PTPRO: variants seen among roughly 807,000 people sequenced by gnomAD.
The protein encoded by PTPRO is receptor-type tyrosine-protein phosphatase O.
In PTPRO, 62 loss-of-function variants were observed where a neutral mutation model predicts 145.2. That is an observed-to-expected ratio of 0.43 (90% CI 0.35 to 0.53). The LOEUF is 0.53. Ranked by LOEUF, PTPRO falls within the 20% of genes least tolerant of loss-of-function variation. The pLI is 0.01. For missense variants in PTPRO, 1,345 were observed against 1,482.7 expected (o/e 0.91, Z 1.53); for synonymous variants, 565 against 514.7 (o/e 1.10, Z -1.32).
chr12:15,365,705 A>G (rs1167508139), intron 1 of PTPRO, among the ~76,000 whole-genome samples: 1 of 152,080 alleles, frequency 6.6e-6, no homozygotes, highest in African/African-American at 2.4e-5. Flanking sequence ...TTCTTTCTTC[A>G]TTCTGTCTAC....
intron 5 of PTPRO, among the ~76,000 whole-genome samples, 193 bp downstream of exon 5, chr12:15,502,256 A>G (rs1942237891): frequency 6.6e-6 from 1 of 152,244 alleles, no homozygotes; most frequent in Non-Finnish European, 1.5e-5. Flanking sequence ...TAGACTGGAT[A>G]AGAATCAGAA....
At position 15,360,851 on chromosome 12, in the gene PTPRO, T is replaced by C. The variant is rs572669347; in HGVS notation, c.75+38050T>C. Among the ~76,000 whole-genome samples the C allele has an allele frequency of 3.7e-3, 394 of 105,196 alleles. 31 individuals carry two copies. The highest frequency in any genetic ancestry group is 8.6e-3 in the East Asian group (36 of 4,188). 69.0% of individuals were successfully genotyped at this position (105,196 alleles called of 152,430 possible). ...GTGTATATATATACGTGTGTATATATGTGTGTGTATATATGTGTGTATATA... is the reference window on the plus strand; with the variant it reads ...GTGTATATATATACGTGTGTATATACGTGTGTGTATATATGTGTGTATATA... On this transcript the variant is annotated intron_variant, in intron 1 of 26. Transcript: ENST00000281171.
intron 1 of PTPRO, among the ~76,000 whole-genome samples, chr12:15,345,642 ATGT>A (rs1447720061): frequency 1.3e-5 from 2 of 152,050 alleles, no homozygotes; most frequent in African/African-American, 4.8e-5. Context: ...GAAATACCTA[ATGT>A]TGATGATTGG....
rs570048060 is a variant in PTPRO at position 15,573,931 on chromosome 12, C to T, written c.2829+4433C>T. ...CTTAAGGAAAAAAATGTTCCTAACTCTAATGAGAATTCAAGAGGGTATGAG... is the reference window on the plus strand; with the variant it reads ...CTTAAGGAAAAAAATGTTCCTAACTTTAATGAGAATTCAAGAGGGTATGAG... On this transcript the variant is annotated intron_variant, in intron 19 of 26. Transcript: ENST00000281171. Among the ~76,000 whole-genome samples the T allele has an allele frequency of 6.6e-5, 10 of 152,302 alleles. No homozygotes were observed. In the South Asian group the frequency reaches 2.1e-3, roughly 32 times the overall value.
chr12:15,455,872 G>A (rs953596966), intron 1 of PTPRO, among the ~76,000 whole-genome samples: 11 of 152,092 alleles, frequency 7.2e-5, no homozygotes, highest in Non-Finnish European at 1.3e-4. Flanking sequence ...TAATTGCTCT[G>A]GCTAGGACTT....
At chr12:15,513,261 GGGGAAGGAAGGAGGGAGGGA>G (rs1730368350) in intron 7 of PTPRO, among the ~76,000 whole-genome samples, 1 of 117,968 alleles carries the variant, frequency 8.5e-6, no homozygotes, top group East Asian at 2.4e-4. Flanking sequence ...AGAGAGGGAG[GGGGAAGGAAGGAGGGAGGGA>G]GGGAAGGAAG....
intron 7 of PTPRO, among the ~76,000 whole-genome samples, chr12:15,514,519 A>G (rs569755185): frequency 2.6e-5 from 4 of 151,458 alleles, no homozygotes; most frequent in African/African-American, 9.7e-5. Flanking sequence ...AATGTTCTCT[A>G]CAATATTATT....
chr12:15,530,717 T>C (rs111840491), intron 12 of PTPRO, among the ~76,000 whole-genome samples: 3 of 152,192 alleles, frequency 2.0e-5, no homozygotes, highest in African/African-American at 7.2e-5. Flanking sequence ...CTGTGGGATA[T>C]AGCAAAAGCC....
chr12:15,515,426 A>G lies in PTPRO; in HGVS notation c.1465-72A>G, dbSNP rs929261770. ...GTGATTCCAAAAAGAGTCTCTGAAT[A>G]TTATACCAGCCTCTGTGTAACATTC... On this transcript the variant is annotated intron_variant, in intron 7 of 26. Transcript: ENST00000281171. The G allele has an allele frequency of 5.1e-6, 8 of 1,579,242 alleles. No individual in the cohort carries two copies. In the African/African-American group the frequency reaches 9.4e-5, roughly 19 times the overall value.
At chr12:15,510,007 T>A (rs1231112673) in intron 7 of PTPRO, among the ~76,000 whole-genome samples, 1 of 152,190 alleles carries the variant, frequency 6.6e-6, no homozygotes, top group African/African-American at 2.4e-5. Flanking sequence ...TGGTTCTTGG[T>A]GTCTTACAAA....
chr12:15,484,319 G>A, intron 2 of PTPRO, 72 bp downstream of exon 2: 1 of 1,567,946 alleles, frequency 6.4e-7, no homozygotes, highest in South Asian at 1.1e-5. Context: ...GGCTCGAATT[G>A]ACAGACTCCA....
chr12:15,579,987 AT>A, intron 20 of PTPRO, 51 bp from the exon 21 acceptor site: 1 of 1,453,622 alleles, frequency 6.9e-7, no homozygotes, highest in Non-Finnish European at 9.6e-7. Flanking sequence ...GGCCAAAATA[AT>A]TTTTCCTTCC....
intron 1 of PTPRO, among the ~76,000 whole-genome samples, chr12:15,383,653 T>TC: frequency 6.6e-6 from 1 of 152,250 alleles, no homozygotes; most frequent in East Asian, 1.9e-4. Flanking sequence ...AAGACATAAA[T>TC]CAACATATGC....
chr12:15,582,747 C>T (rs968446230), intron 23 of PTPRO, among the ~76,000 whole-genome samples: 3 of 151,636 alleles, frequency 2.0e-5, no homozygotes, highest in South Asian at 2.1e-4. Context: ...GTTTGGTTTT[C>T]ATTATTTGTA....
chr12:15,428,448 T>G (rs1940342292), intron 1 of PTPRO, among the ~76,000 whole-genome samples: 1 of 152,090 alleles, frequency 6.6e-6, no homozygotes, highest in Non-Finnish European at 1.5e-5. Flanking sequence ...TGGTCAAAAT[T>G]GAAAGTATAG....
chr12:15,486,649 A>C (rs1000852038), intron 2 of PTPRO, among the ~76,000 whole-genome samples: 7 of 152,084 alleles, frequency 4.6e-5, no homozygotes, highest in African/African-American at 1.7e-4. Flanking sequence ...AATCCATTAT[A>C]TTCAAAATAT....
At chr12:15,370,303 C>G (rs1385436060) in intron 1 of PTPRO, among the ~76,000 whole-genome samples, 1 of 151,712 alleles carries the variant, frequency 6.6e-6, no homozygotes, top group Non-Finnish European at 1.5e-5. Flanking sequence ...TGAAATATAC[C>G]AAAAAAAGGT....
At chr12:15,497,106 T>C (rs1942122422) in intron 2 of PTPRO, 139 bp from the exon 3 acceptor site, 1 of 742,164 alleles carries the variant, frequency 1.3e-6, no homozygotes, top group Admixed American at 2.0e-5. Flanking sequence ...TCATGGTTAC[T>C]GAGGAGTTTA....
intron 17 of PTPRO, among the ~76,000 whole-genome samples, chr12:15,562,544 T>C (rs1029276119): frequency 6.6e-6 from 1 of 152,140 alleles, no homozygotes; most frequent in Non-Finnish European, 1.5e-5. Context: ...ATCAAAAAAC[T>C]CTTTCTCTCT....
Sources: allele counts gnomAD v4.1 joint callset (sites outside exome capture counted in the v4.1 genomes callset), GRCh38; gene constraint gnomAD v4.1.1; transcripts MANE v1.5; gene names NCBI Gene and HGNC (gene_info 2026-07-23, HGNC 2026-07-21).